Variants in CLCN1 observed in about 807,000 individuals in gnomAD.
The protein encoded by CLCN1 is chloride channel protein 1.
In CLCN1, 100 loss-of-function variants were observed where a neutral mutation model predicts 114.5. The observed-to-expected ratio is 0.87, with a 90% CI of 0.74 to 1.03. The LOEUF (loss-of-function observed/expected upper bound fraction) is 1.03, where lower values mean the gene tolerates loss of function less well. CLCN1 is among the 50% of genes least tolerant of loss of function. The pLI is 0.00. For synonymous variants in CLCN1, 485 were observed against 487.1 expected, an observed-to-expected ratio of 1.00 and a Z score of 0.06; for missense variants, 1,188 against 1,250.0, an observed-to-expected ratio of 0.95 and a Z score of 0.75.
rs759703560 is a variant in CLCN1 at position 143,324,462 on chromosome 7, G to A, written c.823G>A (p.Val275Ile). ...CCTGACGGTGGGCTGTGCTGTGGGA[G>A]TCGGCTGTTGTTTTGGGACACCACT... ...DILTVGCAVG[V>I]GCCFGTPLGG... is the part of the protein sequence containing the mutation. Residue 275 changes from valine to isoleucine, a missense_variant, in exon 7 of 23, where the codon GTC (valine) becomes ATC (isoleucine). By Grantham distance (29) the Val-to-Ile change is conservative. Coordinates refer to ENST00000343257, the MANE Select transcript of CLCN1 (RefSeq NM_000083.3). This position sits in a 1 kb window ranked among gnomAD's most constrained non-coding sequence, Gnocchi z 4.6. 2.5e-6 allele frequency: 4 copies of A among 1,613,926 alleles called. No individual in the cohort carries two copies. The Admixed American group carries it at 6.7e-5, about 27-fold the overall frequency.
intron 16 of CLCN1, among the ~76,000 whole-genome samples, chr7:143,344,445 T>C (rs1428967338): frequency 6.6e-6 from 1 of 152,248 alleles, no homozygotes; most frequent in Non-Finnish European, 1.5e-5. Context: ...TTGTTAGTTC[T>C]GATTTCCAAT....
At chr7:143,342,177 A>G in intron 15 of CLCN1, 35 bp downstream of exon 15, 1 of 1,596,278 alleles carries the variant, frequency 6.3e-7, no homozygotes, top group South Asian at 1.1e-5. Context: ...TTCAGATCTG[A>G]TGGGGAGAGT....
At chr7:143,341,024 A>G (rs1803061793) in intron 14 of CLCN1, among the ~76,000 whole-genome samples, 1 of 152,088 alleles carries the variant, frequency 6.6e-6, no homozygotes, top group Non-Finnish European at 1.5e-5. Context: ...CAGATCTACA[A>G]GCGCCTTAGA....
At position 143,340,594 on chromosome 7, in the gene CLCN1, G is replaced by A. The variant is rs557211327; in HGVS notation, c.1582+973G>A. Reference sequence around the variant, plus strand: ...CTCTGTTGCCCAGGAGTGCAGTGGCGCAATCTGGGTTCACTGCAACCTCTG... The same window carrying A: ...CTCTGTTGCCCAGGAGTGCAGTGGCACAATCTGGGTTCACTGCAACCTCTG... On this transcript the variant is annotated intron_variant, in intron 14 of 22. Coordinates refer to ENST00000343257, the MANE Select transcript of CLCN1 (RefSeq NM_000083.3). Among the ~76,000 whole-genome samples the A allele has an allele frequency of 3.9e-4, 59 of 151,698 alleles. No homozygotes were observed. In the Middle Eastern group the frequency reaches 0.01, roughly 26 times the overall value.
intron 12 of CLCN1, among the ~76,000 whole-genome samples, chr7:143,336,791 G>A (rs1438237237): frequency 1.3e-5 from 2 of 152,126 alleles, no homozygotes; most frequent in Non-Finnish European, 2.9e-5. Flanking sequence ...TTGTGCTATA[G>A]GAGTTGATAA....
rs140536210 is a variant in CLCN1 at position 143,331,609 on chromosome 7, G to A, written c.1123G>A (p.Gly375Ser). 5.6e-5 allele frequency: 91 copies of A among 1,614,120 alleles called. No individual in the cohort carries two copies. Among genetic ancestry groups the A allele is most frequent in the African/African-American group, 3.3e-4 (25 of 75,036 alleles). ...GTATCTGCATCGCCAAGTCATGCTCGGTGTCCGAAAGCACAAGGCCCTCAG... is the reference window on the plus strand; with the variant it reads ...GTATCTGCATCGCCAAGTCATGCTCAGTGTCCGAAAGCACAAGGCCCTCAG... The part of the protein sequence containing the change: ...FVYLHRQVML[G>S]VRKHKALSQF... Residue 375 changes from glycine to serine, a missense_variant, in exon 10 of 23, where the codon GGT (glycine) becomes AGT (serine). Coordinates refer to ENST00000343257, the MANE Select transcript of CLCN1 (RefSeq NM_000083.3).
At chr7:143,318,299 C>T (rs1220342846) in intron 1 of CLCN1, among the ~76,000 whole-genome samples, 1 of 152,072 alleles carries the variant, frequency 6.6e-6, no homozygotes, top group Admixed American at 6.5e-5. Context: ...CTCAGCTCAC[C>T]GCAATCTCCG....
In CLCN1 at chr7:143,345,622, G is replaced by A. The variant is rs1439080785; in HGVS notation, c.2032G>A (p.Ala678Thr). ...ERRLRAAQEM[A>T]RKLSELPYDG... ...CAGGCTGCGCGCAGCCCAAGAGATG[G>A]CGCGGAAGTTGTCGGAGCTGCCTTA... The change falls in exon 17 of 23, where the codon GCG becomes ACG. Residue 678 changes from alanine to threonine, a missense_variant. Transcript: ENST00000343257. 1 of 1,560,480 alleles carries A rather than the reference G, an allele frequency of 6.4e-7. No individual in the cohort carries two copies. The highest frequency in any genetic ancestry group is 8.7e-7 in the Non-Finnish European group (1 of 1,152,740).
Position 143,339,441 on chromosome 7 carries a change from T to C in CLCN1, c.1472-70T>C. On this transcript the variant is annotated intron_variant, in intron 13 of 22. Coordinates refer to ENST00000343257, the MANE Select transcript of CLCN1 (RefSeq NM_000083.3). The surrounding 1 kb of genome is among the most constrained non-coding windows in gnomAD (Gnocchi z 4.1). ...TTTGTTCTTAATGCCCAAGGAGAGA[T>C]TGGTTCTGAAAACTGAGAGCAAGGA... 1 of 1,399,550 alleles carries C rather than the reference T, an allele frequency of 7.1e-7. No homozygotes were observed. The highest frequency in any genetic ancestry group is 2.3e-5 in the East Asian group (1 of 43,878). The allele number at this position is 1,399,550 out of a possible 1,614,324, so 86.7% of individuals were successfully genotyped here.
intron 18 of CLCN1, 52 bp downstream of exon 18, chr7:143,346,303 G>A (rs1234272520): frequency 7.9e-7 from 1 of 1,269,808 alleles, no homozygotes; most frequent in East Asian, 2.3e-5. Flanking sequence ...GTTCTCTCTG[G>A]TCACTAGGAC....
At position 143,351,692 on chromosome 7, in the gene CLCN1, G is replaced by T. The variant is rs1803411706; in HGVS notation, c.2694G>T (p.Gly898=). Residue 898 remains glycine, a synonymous_variant, in exon 23 of 23, where the codon GGG becomes GGT. Transcript: ENST00000343257. The part of the protein sequence containing the change: ...RNTTSTRKST[G]APPSSAENWN... ...CGACTTCAACTCGAAAGAGTACCGG[G>T]GCACCTCCATCTTCTGCAGAGAACT... 6.2e-6 allele frequency: 10 copies of T among 1,614,146 alleles called. No individual in the cohort carries two copies. The highest frequency in any genetic ancestry group is 8.5e-6 in the Non-Finnish European group (10 of 1,180,028).
chr7:143,330,833 A>T lies in CLCN1; in HGVS notation c.915A>T (p.Gly305=). 1 of 1,614,174 alleles carries T rather than the reference A, an allele frequency of 6.2e-7. No individual in the cohort carries two copies. Among genetic ancestry groups the T allele is most frequent in the Non-Finnish European group, 8.5e-7 (1 of 1,180,032 alleles). The change falls in exon 8 of 23, where the codon GGA becomes GGT. Residue 305 remains glycine, a synonymous_variant. Transcript: ENST00000343257. ...TYFAVRNYWR[G]FFAATFSAFV... ...TTGCTGTTCGGAACTACTGGAGAGG[A>T]TTCTTTGCAGCCACGTTCAGCGCCT...
At position 143,352,059 on chromosome 7, in the gene CLCN1, C is replaced by T. The variant is rs555611902; in HGVS notation, c.*94C>T. Reference sequence around the variant, plus strand: ...GGGTGCGTCCTGAATGTGGCGAGGTCATGCCAATGTCGTGGCCTCTTCCAG... The same window carrying T: ...GGGTGCGTCCTGAATGTGGCGAGGTTATGCCAATGTCGTGGCCTCTTCCAG... On this transcript the variant is annotated 3_prime_UTR_variant, in exon 23 of 23. Transcript: ENST00000343257. 19 of 1,530,772 alleles carry T rather than the reference C, an allele frequency of 1.2e-5. No individual in the cohort carries two copies. In the Admixed American group the frequency reaches 3.0e-4, roughly 24 times the overall value. 94.8% of individuals were successfully genotyped at this position (1,530,772 alleles called of 1,614,324 possible). A position where few individuals can be genotyped will look rare whatever the true frequency, so the allele number is the denominator to read the frequency against.
chr7:143,323,589 A>G (rs547861382), intron 6 of CLCN1: 1 of 693,318 alleles, frequency 1.4e-6, no homozygotes, highest in South Asian at 1.5e-5. Context: ...CCTGTCCTCC[A>G]AATGTCCACC....
intron 14 of CLCN1, among the ~76,000 whole-genome samples, chr7:143,341,345 G>A (rs897662831): frequency 2.6e-5 from 4 of 152,092 alleles, no homozygotes; most frequent in African/African-American, 9.7e-5. Context: ...GATCACTTGA[G>A]GCCAGGAATT....
At chr7:143,341,599 T>TA (rs1563084354) in intron 14 of CLCN1, among the ~76,000 whole-genome samples, 8 of 149,938 alleles carry the variant, frequency 5.3e-5, no homozygotes, top group South Asian at 4.2e-4. Context: ...ATAATAATTT[T>TA]AAAAAATAAT....
At chr7:143,345,896 T>C (rs1803230025) in intron 17 of CLCN1, 134 bp downstream of exon 17, 1 of 1,298,220 alleles carries the variant, frequency 7.7e-7, no homozygotes, top group Non-Finnish European at 1.1e-6. Context: ...GGGGAGAGTC[T>C]GGTAACTGAG....
chr7:143,320,053 A>T (rs1355830561), intron 2 of CLCN1, among the ~76,000 whole-genome samples, 178 bp downstream of exon 2: 2 of 152,308 alleles, frequency 1.3e-5, no homozygotes, highest in East Asian at 3.9e-4. Flanking sequence ...CAGTGGAGTG[A>T]TCATAGCTCA....
Position 143,346,269 on chromosome 7 carries a change from T to G in CLCN1, c.2284+18T>G, listed in dbSNP as rs1193742190. On this transcript the variant is annotated intron_variant, in intron 18 of 22. Transcript: ENST00000343257. ...GCCTGCAGGTGACGCTCTTCCCTCA[T>G]GCACCCCAACTCACCCCTTGTGGGT... 1.3e-6 allele frequency: 2 copies of G among 1,534,466 alleles called. No individual in the cohort carries two copies. Among genetic ancestry groups the G allele is most frequent in the African/African-American group, 2.7e-5 (2 of 73,022 alleles).
Sources: allele counts gnomAD v4.1 joint callset (sites outside exome capture counted in the v4.1 genomes callset), GRCh38; gene constraint gnomAD v4.1.1; non-coding constraint Gnocchi (gnomAD v3.1); transcripts MANE v1.5; gene names NCBI Gene and HGNC (gene_info 2026-07-23, HGNC 2026-07-21).